Variants in HS2ST1 observed in about 807,000 individuals in gnomAD.
HS2ST1 encodes 2-O-sulfotransferase.
In HS2ST1, 18 loss-of-function variants were observed where a neutral mutation model predicts 42.9. The ratio of observed to expected loss-of-function variants is 0.42; its 90% CI spans 0.29 to 0.62. The LOEUF is 0.62. HS2ST1 is among the 20% of genes least tolerant of loss of function. HS2ST1 has a pLI of 0.21. For synonymous variants in HS2ST1, 146 were observed against 152.9 expected, an observed-to-expected ratio of 0.95 and a Z score of 0.33; for missense variants, 334 against 433.8, an observed-to-expected ratio of 0.77 and a Z score of 2.04.
At chr1:87,075,217 T>C (rs1265255050) in intron 2 of HS2ST1, among the ~76,000 whole-genome samples, 2 of 130,926 alleles carry the variant, frequency 1.5e-5, no homozygotes, top group Non-Finnish European at 3.1e-5. Flanking sequence ...CTTCCCAGGC[T>C]GGAGTGCAAT....
intron 1 of HS2ST1, among the ~76,000 whole-genome samples, chr1:86,934,112 A>G (rs1334834111): frequency 6.6e-6 from 1 of 152,074 alleles, no homozygotes; most frequent in Non-Finnish European, 1.5e-5. Flanking sequence ...CCCAATACTT[A>G]AGTGAGAAAG....
At chr1:86,919,455 T>C (rs74476858) in intron 1 of HS2ST1, among the ~76,000 whole-genome samples, 5 of 152,370 alleles carry the variant, frequency 3.3e-5, no homozygotes, top group African/African-American at 1.2e-4. Context: ...TTTGGCTCTT[T>C]AAACCATTTG....
At chr1:86,977,970 T>C (rs997481474) in intron 1 of HS2ST1, among the ~76,000 whole-genome samples, 12 of 152,302 alleles carry the variant, frequency 7.9e-5, no homozygotes, top group African/African-American at 2.9e-4. Context: ...CATAAAATTA[T>C]AGTAAAGCTG....
chr1:87,025,160 C>T (rs1028123344), intron 1 of HS2ST1, among the ~76,000 whole-genome samples: 2 of 136,042 alleles, frequency 1.5e-5, no homozygotes, highest in African/African-American at 2.7e-5. Flanking sequence ...CTGCTGAAAG[C>T]AGCTAACACT....
chr1:86,921,037 A>C (rs377032163), intron 1 of HS2ST1, among the ~76,000 whole-genome samples: 2 of 152,316 alleles, frequency 1.3e-5, no homozygotes, highest in East Asian at 3.9e-4. Context: ...TGATATATAC[A>C]TGTTTTAAAA....
intron 1 of HS2ST1, among the ~76,000 whole-genome samples, chr1:86,989,311 T>C (rs1648877638): frequency 6.6e-6 from 1 of 152,218 alleles, no homozygotes. Flanking sequence ...ATAGCTCTTA[T>C]AAAGAAGCAA....
At chr1:87,080,045 G>A (rs1462222275) in intron 2 of HS2ST1, among the ~76,000 whole-genome samples, 1 of 151,954 alleles carries the variant, frequency 6.6e-6, no homozygotes, top group African/African-American at 2.4e-5. Flanking sequence ...ATGAGATTCT[G>A]TCTCAAGAAA....
At chr1:87,058,197 A>G (rs2100620280) in intron 1 of HS2ST1, among the ~76,000 whole-genome samples, 1 of 151,806 alleles carries the variant, frequency 6.6e-6, no homozygotes, top group South Asian at 2.1e-4. Context: ...ATTCTTTGAC[A>G]GGTCCTCATG....
At chr1:86,930,742 A>G (rs911993549) in intron 1 of HS2ST1, among the ~76,000 whole-genome samples, 1 of 151,998 alleles carries the variant, frequency 6.6e-6, no homozygotes, top group Non-Finnish European at 1.5e-5. Flanking sequence ...CACATATCCA[A>G]GTATGCAAGA....
rs534982138 is a variant in HS2ST1, at chr1:87,092,379, A to G, written c.450-152A>G. The G allele has an allele frequency of 1.7e-4, 35 of 200,466 alleles. No homozygotes were observed. The African/African-American group carries it at 4.3e-3, about 25-fold the overall frequency. 12.4% of individuals were successfully genotyped at this position (200,466 alleles called of 1,614,324 possible). A position where few individuals can be genotyped will look rare whatever the true frequency, so the allele number is the denominator to read the frequency against. On this transcript the variant is annotated intron_variant, in intron 3 of 6. Transcript: ENST00000370550. ...ATGAATAATCATGAAATAGTTCCCAATCGCCACATACACATACACAAATTA... is the reference window on the plus strand; with the variant it reads ...ATGAATAATCATGAAATAGTTCCCAGTCGCCACATACACATACACAAATTA...
At chr1:86,924,630 G>T (rs1293798635) in intron 1 of HS2ST1, among the ~76,000 whole-genome samples, 1 of 152,168 alleles carries the variant, frequency 6.6e-6, no homozygotes, top group Non-Finnish European at 1.5e-5. Context: ...AGCTGCCAAG[G>T]CTTGGGGATT....
intron 1 of HS2ST1, among the ~76,000 whole-genome samples, chr1:86,924,239 T>C (rs2102156978): frequency 6.6e-6 from 1 of 152,222 alleles, no homozygotes; most frequent in East Asian, 1.9e-4. Context: ...CCCATGGCCT[T>C]GGGCAGCTCC....
At chr1:87,045,901 C>A in intron 1 of HS2ST1, 1 of 699,542 alleles carries the variant, frequency 1.4e-6, no homozygotes, top group Non-Finnish European at 2.7e-6. Flanking sequence ...GAACCTTGTG[C>A]TCACCGGCTT....
rs190153283 is a variant in HS2ST1, at chr1:87,024,737, A to C, written c.125-48197A>C. ...CAATAAATGGTGACAATTGCCATTG[A>C]AATAGGAATACTTTTTTAGGTAGAA... On this transcript the variant is annotated intron_variant, in intron 1 of 6. Transcript: ENST00000370550. Among the ~76,000 whole-genome samples the C allele has an allele frequency of 8.5e-5, 13 of 152,342 alleles. No individual in the cohort carries two copies. The East Asian group carries it at 2.5e-3, about 29-fold the overall frequency.
intron 1 of HS2ST1, among the ~76,000 whole-genome samples, chr1:87,019,792 A>G (rs1200647858): frequency 6.6e-6 from 1 of 152,220 alleles, no homozygotes; most frequent in African/African-American, 2.4e-5. Flanking sequence ...CTAATGAGAA[A>G]ACATTTTTAA....
chr1:86,971,202 A>C (rs530647146), intron 1 of HS2ST1, among the ~76,000 whole-genome samples: 1 of 152,212 alleles, frequency 6.6e-6, no homozygotes, highest in African/African-American at 2.4e-5. Context: ...TTGGCTAGAC[A>C]TGGAAATAGT....
intron 1 of HS2ST1, among the ~76,000 whole-genome samples, chr1:86,935,455 C>CTTTTTTTTTTT (rs552713297): frequency 3.2e-5 from 2 of 62,060 alleles, no homozygotes. Flanking sequence ...TCTTTTTCTC[C>CTTTTTTTTTTT]TTTTTTTTTT....
At chr1:87,037,694 G>A (rs917308802) in intron 1 of HS2ST1, among the ~76,000 whole-genome samples, 1 of 149,040 alleles carries the variant, frequency 6.7e-6, no homozygotes, top group African/African-American at 2.5e-5. Context: ...GTACTTTTTT[G>A]GTATTTTTAC....
chr1:87,091,036 T>C (rs1651926809), intron 3 of HS2ST1, among the ~76,000 whole-genome samples: 1 of 152,056 alleles, frequency 6.6e-6, no homozygotes, highest in Admixed American at 6.6e-5. Flanking sequence ...TTTTCTCCTT[T>C]GCACTTTTTA....
Sources: gnomAD v4.1 joint callset for allele counts (sites outside exome capture counted in the v4.1 genomes callset) on GRCh38, gnomAD v4.1.1 for gene constraint, MANE v1.5 for transcripts, NCBI Gene and HGNC (gene_info 2026-07-23, HGNC 2026-07-21) for gene names.